The following TMEM178B variants were observed in gnomAD, a reference collection of about 807,000 sequenced individuals.
TMEM178B encodes transmembrane protein 178B.
In TMEM178B, 5 loss-of-function variants were observed where a neutral mutation model predicts 31.0. The observed-to-expected ratio is 0.16, with a 90% CI of 0.08 to 0.34. The LOEUF is 0.34. TMEM178B is among the 10% of genes least tolerant of loss of function. TMEM178B has a pLI of 1.00. For missense variants in TMEM178B, 275 were observed against 400.3 expected, an observed-to-expected ratio of 0.69 and a Z score of 2.67; for synonymous variants, 164 against 164.0, an observed-to-expected ratio of 1.00 and a Z score of 0.00.
At chr7:141,206,821 C>T (rs1178709168) in intron 1 of TMEM178B, among the ~76,000 whole-genome samples, 1 of 152,230 alleles carries the variant, frequency 6.6e-6, no homozygotes, top group African/African-American at 2.4e-5. Flanking sequence ...GATCTACCCT[C>T]TTAACAGATT....
At chr7:141,499,826 C>G in the TMEM178B span, among the ~76,000 whole-genome samples, 1 of 152,184 alleles carries the variant, frequency 6.6e-6, no homozygotes, top group Admixed American at 6.5e-5. Flanking sequence ...ATCAATCACA[C>G]ACATGAAGAA....
chr7:141,314,643 A>G (rs1798971388), intron 2 of TMEM178B, among the ~76,000 whole-genome samples: 1 of 152,120 alleles, frequency 6.6e-6, no homozygotes, highest in African/African-American at 2.4e-5. Context: ...CATCTTTCCT[A>G]TTCAGCAATC....
chr7:141,446,795 A>G (rs1801768072), intron 3 of TMEM178B, among the ~76,000 whole-genome samples: 1 of 152,166 alleles, frequency 6.6e-6, no homozygotes, highest in Admixed American at 6.5e-5. Context: ...TGCAGAGTTA[A>G]TACATGTGAA....
rs1563131560 is a variant in TMEM178B, at chr7:141,250,618, A to ATGGGAGCTAAGTGGGGGCTCTGTGCTCG, written c.496+37914_496+37915insTGGGAGCTAAGTGGGGGCTCTGTGCTCG. On this transcript the variant is annotated intron_variant, in intron 2 of 3. Transcript: ENST00000565468. The stretch of plus-strand genomic sequence containing the variant: ...GGAGCTAAGTGGGGGCTCTGTGCTC[A>ATGGGAGCTAAGTGGGGGCTCTGTGCTCG]CCTTCCTTTAATCCCCCTGGACTTC... Among the ~76,000 whole-genome samples the ATGGGAGCTAAGTGGGGGCTCTGTGCTCG allele has an allele frequency of 5.3e-5, 8 of 152,184 alleles. No homozygotes were observed. In the East Asian group the frequency reaches 1.5e-3, roughly 29 times the overall value.
intron 1 of TMEM178B, among the ~76,000 whole-genome samples, chr7:141,154,339 C>T (rs1315660358): frequency 1.3e-5 from 2 of 152,268 alleles, no homozygotes; most frequent in African/African-American, 4.8e-5. Context: ...ACATGGGTCG[C>T]TGAGGTCCTC....
At chr7:141,090,020 T>C (rs2129172167) in intron 1 of TMEM178B, among the ~76,000 whole-genome samples, 1 of 151,814 alleles carries the variant, frequency 6.6e-6, no homozygotes. Flanking sequence ...AAAAAAAAAG[T>C]CTAGCCACCA....
intron 1 of TMEM178B, among the ~76,000 whole-genome samples, chr7:141,102,171 G>A (rs756116785): frequency 6.6e-6 from 1 of 152,176 alleles, no homozygotes; most frequent in South Asian, 2.1e-4. Context: ...TAGAGAGTGC[G>A]AATGACTATT....
At chr7:141,132,061 A>G (rs1031764191) in intron 1 of TMEM178B, among the ~76,000 whole-genome samples, 2 of 152,288 alleles carry the variant, frequency 1.3e-5, no homozygotes, top group South Asian at 2.1e-4. Flanking sequence ...CTTTCTCACC[A>G]TAGACTTTGA....
Position 141,365,867 on chromosome 7 carries a change from G to A in TMEM178B, c.497-71741G>A, listed in dbSNP as rs554029227. On this transcript the variant is annotated intron_variant, in intron 2 of 3. Transcript: ENST00000565468. Reference sequence around the variant, plus strand: ...TCCTAATTACCTCTTTCCAAATAAGGTCACCGTCACAGGTTCTAGGAATTA... The same window carrying A: ...TCCTAATTACCTCTTTCCAAATAAGATCACCGTCACAGGTTCTAGGAATTA... Among the ~76,000 whole-genome samples, 317 of 152,244 alleles carry A rather than the reference G, an allele frequency of 2.1e-3. 2 individuals are homozygous for A. The highest frequency in any genetic ancestry group is 7.3e-3 in the African/African-American group (305 of 41,530).
At chr7:141,206,897 T>G (rs1796976185) in intron 1 of TMEM178B, among the ~76,000 whole-genome samples, 1 of 152,236 alleles carries the variant, frequency 6.6e-6, no homozygotes, top group African/African-American at 2.4e-5. Context: ...TTATTTATCT[T>G]GCACAACTGA....
At chr7:141,151,071 A>C (rs899137515) in intron 1 of TMEM178B, among the ~76,000 whole-genome samples, 1 of 152,224 alleles carries the variant, frequency 6.6e-6, no homozygotes, top group Non-Finnish European at 1.5e-5. Flanking sequence ...CAAATATTTA[A>C]GGGTCTGCTC....
intron 1 of TMEM178B, among the ~76,000 whole-genome samples, chr7:141,191,187 TTCTAAAGCGTCTTG>T (rs1796690153): frequency 6.6e-6 from 1 of 152,226 alleles, no homozygotes; most frequent in Non-Finnish European, 1.5e-5. Context: ...CCATATCAGT[TTCTAAAGCGTCTTG>T]TCTATTTTTA....
intron 1 of TMEM178B, among the ~76,000 whole-genome samples, chr7:141,204,185 G>T (rs1284001763): frequency 2.0e-5 from 3 of 152,248 alleles, no homozygotes; most frequent in Non-Finnish European, 2.9e-5. Context: ...GGAGCTGGAA[G>T]CGTGAGACTG....
intron 2 of TMEM178B, among the ~76,000 whole-genome samples, chr7:141,341,876 T>A (rs369960586): frequency 3.9e-5 from 6 of 152,340 alleles, no homozygotes; most frequent in South Asian, 4.1e-4. Context: ...CCAGTGACTT[T>A]TTCCCACTTC....
intron 1 of TMEM178B, among the ~76,000 whole-genome samples, chr7:141,162,711 A>G (rs1796195319): frequency 6.6e-6 from 1 of 152,220 alleles, no homozygotes; most frequent in Non-Finnish European, 1.5e-5. Flanking sequence ...TCTGGTATAA[A>G]TGGTTTTTAA....
At chr7:141,291,701 T>G (rs1297516142) in intron 2 of TMEM178B, among the ~76,000 whole-genome samples, 4 of 152,090 alleles carry the variant, frequency 2.6e-5, no homozygotes, top group African/African-American at 9.7e-5. Flanking sequence ...AATTGTACTT[T>G]CAGTTTTGTG....
intron 2 of TMEM178B, among the ~76,000 whole-genome samples, chr7:141,291,956 C>T (rs1424748325): frequency 2.7e-5 from 4 of 150,874 alleles, no homozygotes; most frequent in Non-Finnish European, 5.9e-5. Flanking sequence ...AATATCAAAG[C>T]CCTGCCTGCT....
intron 2 of TMEM178B, among the ~76,000 whole-genome samples, chr7:141,378,443 C>G (rs1800258070): frequency 6.6e-6 from 1 of 152,180 alleles, no homozygotes. Flanking sequence ...CCCCCACTGC[C>G]CCCACCCAAA....
chr7:141,383,097 C>T (rs900841850), intron 2 of TMEM178B, among the ~76,000 whole-genome samples: 3 of 152,090 alleles, frequency 2.0e-5, no homozygotes, highest in Non-Finnish European at 2.9e-5. Flanking sequence ...CTTGATAGTG[C>T]GTGAGTTCAC....
Sources: gnomAD v4.1 joint callset for allele counts (sites outside exome capture counted in the v4.1 genomes callset) on GRCh38, gnomAD v4.1.1 for gene constraint, MANE v1.5 for transcripts, NCBI Gene and HGNC (gene_info 2026-07-23, HGNC 2026-07-21) for gene names.